NF1: variants seen among roughly 807,000 people sequenced by gnomAD.
NF1 encodes the protein neurofibromin.
Under a neutral mutation model 325.7 loss-of-function variants are expected in NF1, and 122 were observed. The observed-to-expected ratio is 0.37, with a 90% CI of 0.32 to 0.44. The LOEUF is 0.44. Among genes scored for constraint, NF1 ranks in the 20% least tolerant of loss-of-function variants. The probability of loss-of-function intolerance (pLI) is 1.00; values close to 1 mark genes in which losing one functional copy is unlikely to be tolerated. For synonymous variants in NF1, 1,091 were observed against 1,186.0 expected, an observed-to-expected ratio of 0.92 and a Z score of 1.65; for missense variants, 2,140 against 3,415.4, an observed-to-expected ratio of 0.63 and a Z score of 9.31.
chr17:31,166,516 A>G (rs886536493), intron 4 of NF1, among the ~76,000 whole-genome samples: 5 of 152,126 alleles, frequency 3.3e-5, no homozygotes, highest in African/African-American at 1.2e-4. Context: ...CCAGGTGCCC[A>G]GTTCTGGAGC....
At chr17:31,239,040 T>C (rs529316137) in intron 29 of NF1, among the ~76,000 whole-genome samples, 1 of 152,274 alleles carries the variant, frequency 6.6e-6, no homozygotes, top group Admixed American at 6.5e-5. Context: ...AACATTACAA[T>C]GCATGCTAAC....
intron 11 of NF1, among the ~76,000 whole-genome samples, chr17:31,202,664 C>T (rs1314995096): frequency 6.6e-6 from 1 of 152,044 alleles, no homozygotes; most frequent in Non-Finnish European, 1.5e-5. Context: ...AATAAACATG[C>T]CTGAGGGAAT....
At chr17:31,238,069 G>A (rs773862789) in intron 29 of NF1, among the ~76,000 whole-genome samples, 1 of 152,130 alleles carries the variant, frequency 6.6e-6, no homozygotes, top group Non-Finnish European at 1.5e-5. Flanking sequence ...TTTACCAGGA[G>A]AAGAAGCTGC....
At chr17:31,255,447 ACTT>A (rs1170028891) in intron 31 of NF1, among the ~76,000 whole-genome samples, 3 of 152,098 alleles carry the variant, frequency 2.0e-5, no homozygotes. Flanking sequence ...TTATAAGTTG[ACTT>A]ACGAAACTTG....
intron 1 of NF1, among the ~76,000 whole-genome samples, chr17:31,123,431 G>A (rs1914606249): frequency 6.6e-6 from 1 of 151,998 alleles, no homozygotes; most frequent in Non-Finnish European, 1.5e-5. Context: ...TAGGAAAAGG[G>A]ATTATTCAGA....
intron 4 of NF1, 37 bp from the exon 5 acceptor site, chr17:31,169,850 ATACT>A (rs1464150525): frequency 1.4e-6 from 2 of 1,401,866 alleles, no homozygotes; most frequent in Non-Finnish European, 2.0e-6. Context: ...CTGTCCCCTA[ATACT>A]TAATTTGATA....
rs564256742 is a variant in NF1 at position 31,220,095 on chromosome 17, G to A, written c.1641+977G>A. Among the ~76,000 whole-genome samples, 5 of 152,082 alleles carry A rather than the reference G, an allele frequency of 3.3e-5. No homozygotes were observed. The South Asian group carries it at 6.2e-4, about 19-fold the overall frequency. Reference sequence around the variant, plus strand: ...TGCTAAGTCGTGTGGTAACTCTGTCGAACTTTTGAGGAACTGTCAAACTCT... The same window carrying A: ...TGCTAAGTCGTGTGGTAACTCTGTCAAACTTTTGAGGAACTGTCAAACTCT... On this transcript the variant is annotated intron_variant, in intron 14 of 57. Transcript: ENST00000358273.
chr17:31,187,178 C>T (rs1364454521), intron 8 of NF1, among the ~76,000 whole-genome samples: 1 of 152,118 alleles, frequency 6.6e-6, no homozygotes, highest in Non-Finnish European at 1.5e-5. Flanking sequence ...CCAGTGGGCT[C>T]ATGCTCATGG....
intron 31 of NF1, chr17:31,254,209 C>G (rs2067541006): frequency 7.2e-6 from 1 of 138,430 alleles, no homozygotes; most frequent in African/African-American, 2.7e-5. Context: ...GTGGTTGAGG[C>G]TGCAGTGAGC....
chr17:31,357,079 C>T lies in NF1; in HGVS notation c.7858C>T (p.Leu2620Phe). ...TGATCCGAAGATCCAGGCGCTGCTT[C>T]TTACTGTTCTAGTAAGGATTTCCCC... ...LTDPKIQALL[L>F]TVLATLVKYT... Residue 2620 changes from leucine to phenylalanine, a missense_variant, in exon 53 of 58, where the codon CTT becomes TTT. Leu to Phe is a conservative substitution (Grantham distance 22). Transcript: ENST00000358273. 2 of 1,613,550 alleles carry T rather than the reference C, an allele frequency of 1.2e-6. No homozygotes were observed. The highest frequency in any genetic ancestry group is 1.7e-6 in the Non-Finnish European group (2 of 1,179,936).
At chr17:31,232,652 A>T (rs752125674) in intron 25 of NF1, 48 bp from the exon 26 acceptor site, 1 of 1,560,290 alleles carries the variant, frequency 6.4e-7, no homozygotes, top group South Asian at 1.1e-5. Flanking sequence ...TTAGCTTTCT[A>T]GTTGATACGG....
rs9844 is a variant in NF1 at position 31,377,450 on chromosome 17, C to T, written c.*3295C>T. 19 of 232,922 alleles carry T rather than the reference C, an allele frequency of 8.2e-5. No individual in the cohort carries two copies. The highest frequency in any genetic ancestry group is 2.9e-4 in the African/African-American group (13 of 45,268). The allele number at this position is 232,922 out of a possible 1,614,324, so 14.4% of individuals were successfully genotyped here. On this transcript the variant is annotated 3_prime_UTR_variant, in exon 58 of 58. Coordinates refer to ENST00000358273, the MANE Select transcript of NF1 (RefSeq NM_001042492.3). ...ATGATAACTTACTGTCCTTTCCATCCGGGCCTAAACTTTGGCAGTTCCTTT... is the reference window on the plus strand; with the variant it reads ...ATGATAACTTACTGTCCTTTCCATCTGGGCCTAAACTTTGGCAGTTCCTTT...
chr17:31,238,858 C>T (rs747915537), intron 29 of NF1, among the ~76,000 whole-genome samples: 1 of 152,064 alleles, frequency 6.6e-6, no homozygotes, highest in Admixed American at 6.6e-5. Context: ...ACGGGGAAAC[C>T]CAGGGACAAC....
chr17:31,136,686 T>C (rs932790483), intron 1 of NF1: 2 of 152,212 alleles, frequency 1.3e-5, no homozygotes, highest in African/African-American at 4.8e-5. Context: ...ACCCTTATTT[T>C]ATATAGTAAT....
intron 36 of NF1, among the ~76,000 whole-genome samples, chr17:31,280,209 A>T (rs1247656339): frequency 8.0e-5 from 12 of 149,676 alleles, no homozygotes; most frequent in African/African-American, 2.5e-4. Flanking sequence ...GTTTTTTTTT[A>T]ATTTTTTTTT....
rs1222625615 is a variant in NF1, at chr17:31,181,474, A to G, written c.639A>G (p.Ile213Met). Residue 213 changes from isoleucine (I) to methionine (M), a missense_variant, in exon 6 of 58, where the codon ATA becomes ATG. Physicochemically the swap from Ile to Met is conservative, Grantham distance 10. Transcript: ENST00000358273. ...ALKKVAQLAV[I>M]NSLEKAFWNW... ...AGAAGGTTGCGCAGTTAGCAGTTAT[A>G]AATAGCCTGGAAAAGGTAAGTTACA... is the stretch of plus-strand genomic sequence containing the variant. 6.2e-7 allele frequency: 1 copy of G among 1,613,456 alleles called. No homozygotes were observed. Among genetic ancestry groups the G allele is most frequent in the Admixed American group, 1.7e-5 (1 of 59,996 alleles).
chr17:31,232,840 TA>T lies in NF1; in HGVS notation c.3456del (p.Leu1152PhefsTer6). The T allele has an allele frequency of 6.2e-7, 1 of 1,614,096 alleles. No individual in the cohort carries two copies. Among genetic ancestry groups the T allele is most frequent in the Non-Finnish European group, 8.5e-7 (1 of 1,180,008 alleles). On this transcript the variant is annotated frameshift_variant, in exon 26 of 58. Transcript: ENST00000358273. LOFTEE classifies it high-confidence loss of function. ...TGTACGGTCCTTGCAATGTCAAACT[TA>T]CTCAATGCCAACGTAGACAGTGGTC... Reference protein sequence around the residue: ...RHCTVLAMSNLLNANVDSGLM... With the variant: ...RHCTVLAMSNXLNANVDSGLM...
intron 36 of NF1, chr17:31,318,528 T>C: frequency 6.2e-7 from 1 of 1,614,112 alleles, no homozygotes; most frequent in Non-Finnish European, 8.5e-7. Context: ...GAGAAGAGAC[T>C]TTGTTTGCCA....
chr17:31,350,494 G>A (rs1040060109), intron 50 of NF1, among the ~76,000 whole-genome samples, 176 bp downstream of exon 50: 4 of 152,150 alleles, frequency 2.6e-5, no homozygotes, highest in African/African-American at 9.7e-5. Flanking sequence ...TGGGTTAGTA[G>A]GAAAGTTATT....
Sources: allele counts gnomAD v4.1 joint callset (sites outside exome capture counted in the v4.1 genomes callset), GRCh38; gene constraint gnomAD v4.1.1; transcripts MANE v1.5; gene names NCBI Gene and HGNC (gene_info 2026-07-23, HGNC 2026-07-21).